Variants in DIS3L observed in about 807,000 individuals in gnomAD.
DIS3L encodes the protein DIS3 like exosome 3'-5' exoribonuclease.
DIS3L carries 100 observed loss-of-function variants against 120.3 expected under a neutral mutation model. The ratio of observed to expected loss-of-function variants is 0.83; its 90% confidence interval spans 0.71 to 0.98. The LOEUF is 0.98. DIS3L is among the 50% of genes least tolerant of loss of function. The pLI is 0.00. For missense variants in DIS3L, 1,196 were observed against 1,314.2 expected (o/e 0.91, Z 1.39); for synonymous variants, 426 against 470.6 (o/e 0.91, Z 1.23).
intron 2 of DIS3L, among the ~76,000 whole-genome samples, chr15:66,297,974 G>A (rs1226904655): frequency 6.6e-6 from 1 of 152,094 alleles, no homozygotes; most frequent in Admixed American, 6.6e-5. Flanking sequence ...GAGGTCAAGA[G>A]TTTGATACCA....
intron 2 of DIS3L, among the ~76,000 whole-genome samples, chr15:66,305,010 T>TC (rs1265893580): frequency 6.9e-6 from 1 of 144,536 alleles, no homozygotes; most frequent in East Asian, 2.0e-4. Flanking sequence ...TTTTTTTTTT[T>TC]TTTTTTTTGA....
chr15:66,320,857 G>GA, intron 9 of DIS3L, 125 bp downstream of exon 9: 1 of 1,198,048 alleles, frequency 8.3e-7, no homozygotes, highest in South Asian at 1.6e-5. Flanking sequence ...ACAGATAATG[G>GA]AAAAATCTCA....
chr15:66,320,529 C>A, intron 8 of DIS3L, 42 bp from the exon 9 acceptor site: 1 of 1,575,858 alleles, frequency 6.3e-7, no homozygotes, highest in Non-Finnish European at 8.6e-7. Context: ...ACCCACTTAA[C>A]TCCTGGTGCT....
chr15:66,325,015 C>CA (rs2092921514), intron 11 of DIS3L, among the ~76,000 whole-genome samples: 2 of 152,122 alleles, frequency 1.3e-5, no homozygotes, highest in Non-Finnish European at 2.9e-5. Context: ...CAGTTCAGTG[C>CA]CATCCTGTAG....
intron 16 of DIS3L, 21 bp downstream of exon 16, chr15:66,332,931 A>T (rs1325570842): frequency 3.8e-6 from 6 of 1,587,440 alleles, no homozygotes; most frequent in Non-Finnish European, 5.1e-6. Context: ...GTTTCTATTA[A>T]GTATTATTAA....
chr15:66,293,370 A>G, upstream of DIS3L: 1 of 704,144 alleles, frequency 1.4e-6, no homozygotes, highest in Non-Finnish European at 1.9e-6. Flanking sequence ...TCTCTGGGGT[A>G]GGTCGTTTCC....
chr15:66,309,669 G>A (rs2092741228), intron 4 of DIS3L, among the ~76,000 whole-genome samples: 1 of 152,176 alleles, frequency 6.6e-6, no homozygotes, highest in Non-Finnish European at 1.5e-5. Context: ...GAAAATGGTA[G>A]GGCTATGGTT....
At chr15:66,330,375 G>C in intron 14 of DIS3L, 1 of 985,140 alleles carries the variant, frequency 1.0e-6, no homozygotes, top group Non-Finnish European at 1.2e-6. Context: ...AGCACACCAT[G>C]TTATATCATT....
chr15:66,298,426 C>T (rs982363626), intron 2 of DIS3L, among the ~76,000 whole-genome samples: 1 of 152,128 alleles, frequency 6.6e-6, no homozygotes, highest in Non-Finnish European at 1.5e-5. Flanking sequence ...TACTTTAATA[C>T]AACCCTAGTG....
At chr15:66,332,095 T>G in intron 15 of DIS3L, 75 bp downstream of exon 15, 1 of 1,353,586 alleles carries the variant, frequency 7.4e-7, no homozygotes, top group Non-Finnish European at 9.9e-7. Flanking sequence ...ACATTAGATA[T>G]AATTTATTAA....
At chr15:66,299,410 G>T (rs570249193) in intron 2 of DIS3L, among the ~76,000 whole-genome samples, 158 of 152,268 alleles carry the variant, frequency 1.0e-3, no homozygotes, top group African/African-American at 3.4e-3. Flanking sequence ...GGGCGTGATG[G>T]TGGGTGCCTG....
intron 14 of DIS3L, among the ~76,000 whole-genome samples, chr15:66,330,925 C>T (rs2092992127): frequency 6.6e-6 from 1 of 152,144 alleles, no homozygotes; most frequent in African/African-American, 2.4e-5. Flanking sequence ...GAGGTCGAGG[C>T]CGGTGGATCA....
intron 4 of DIS3L, 58 bp downstream of exon 4, chr15:66,308,902 C>T: frequency 6.6e-7 from 1 of 1,521,562 alleles, no homozygotes; most frequent in South Asian, 1.3e-5. Flanking sequence ...ACCCATAAGG[C>T]TCTAGATCCC....
intron 2 of DIS3L, among the ~76,000 whole-genome samples, chr15:66,302,426 C>G (rs1174653936): frequency 6.6e-6 from 1 of 152,112 alleles, no homozygotes; most frequent in African/African-American, 2.4e-5. Flanking sequence ...AAAACAAATG[C>G]AGTGATGTCT....
At chr15:66,320,521 C>T (rs2092870894) in intron 8 of DIS3L, 50 bp from the exon 9 acceptor site, 1 of 1,552,598 alleles carries the variant, frequency 6.4e-7, no homozygotes, top group Non-Finnish European at 8.7e-7. Context: ...TCTAATTGAC[C>T]CACTTAACTC....
intron 2 of DIS3L, among the ~76,000 whole-genome samples, chr15:66,304,287 C>CA (rs923083649): frequency 2.0e-5 from 3 of 150,622 alleles, no homozygotes; most frequent in Non-Finnish European, 3.0e-5. Context: ...CCCGTCTCTA[C>CA]AAAAAAAATA....
At chr15:66,293,501 C>T, upstream of DIS3L, 2 of 1,248,552 alleles carry the variant, frequency 1.6e-6, no homozygotes, top group Non-Finnish European at 2.0e-6. Flanking sequence ...ACGGCGGTTC[C>T]GGAGCCGCGG....
chr15:66,313,780 T>G (rs2092787556), intron 5 of DIS3L, among the ~76,000 whole-genome samples: 1 of 126,496 alleles, frequency 7.9e-6, no homozygotes, highest in Non-Finnish European at 1.9e-5. Context: ...TATATATATA[T>G]GTGTGTGTGT....
At chr15:66,328,571 C>T (rs1374568872) in intron 12 of DIS3L, among the ~76,000 whole-genome samples, 1 of 152,104 alleles carries the variant, frequency 6.6e-6, no homozygotes, top group African/African-American at 2.4e-5. Flanking sequence ...CTTACTACCT[C>T]TTTAAAAAAG....
Sources: gnomAD v4.1 joint callset for allele counts (sites outside exome capture counted in the v4.1 genomes callset) on GRCh38, gnomAD v4.1.1 for gene constraint, MANE v1.5 for transcripts, NCBI Gene and HGNC (gene_info 2026-07-23, HGNC 2026-07-21) for gene names.